Variants in FAM184B observed in about 807,000 individuals in gnomAD.
FAM184B encodes the protein family with sequence similarity 184 member B.
Under a neutral mutation model 135.9 loss-of-function variants are expected in FAM184B, and 111 were observed. The observed-to-expected ratio is 0.82, with a 90% CI of 0.70 to 0.96. The LOEUF is 0.96. Ranked by LOEUF, FAM184B falls within the 40% of genes least tolerant of loss-of-function variation. The pLI is 0.00. For synonymous variants in FAM184B, 552 were observed against 524.8 expected (o/e 1.05, Z -0.71); for missense variants, 1,375 against 1,323.9 (o/e 1.04, Z -0.60).
chr4:17,635,205 A>T, intron 15 of FAM184B, 92 bp from the exon 16 acceptor site: 1 of 998,530 alleles, frequency 1.0e-6, no homozygotes, highest in Admixed American at 2.2e-5. Context: ...CAGAATAGAG[A>T]AGGAAAGTCC....
At chr4:17,771,458 G>A (rs991256184) in intron 1 of FAM184B, among the ~76,000 whole-genome samples, 2 of 152,148 alleles carry the variant, frequency 1.3e-5, no homozygotes, top group African/African-American at 2.4e-5. Flanking sequence ...GAATCACATC[G>A]CTAAATTAAA....
At chr4:17,648,728 T>C (rs1558378) in intron 11 of FAM184B, among the ~76,000 whole-genome samples, 92,314 of 151,770 alleles carry the variant, frequency 0.61, 28,563 homozygotes, top group East Asian at 0.89. Context: ...ATCATGGAGG[T>C]AGGAGATGGC....
At chr4:17,772,834 G>GT (rs1376905842) in intron 1 of FAM184B, among the ~76,000 whole-genome samples, 2 of 152,170 alleles carry the variant, frequency 1.3e-5, no homozygotes, top group Non-Finnish European at 2.9e-5. Context: ...TGCCTGCCAG[G>GT]TGCACCTACC....
At chr4:17,774,205 C>T (rs139788528) in intron 1 of FAM184B, among the ~76,000 whole-genome samples, 5 of 151,954 alleles carry the variant, frequency 3.3e-5, no homozygotes, top group African/African-American at 4.8e-5. Flanking sequence ...AGTGAGACCT[C>T]GTCTCTACCA....
At chr4:17,738,315 T>C (rs1480070944) in intron 1 of FAM184B, among the ~76,000 whole-genome samples, 1 of 151,996 alleles carries the variant, frequency 6.6e-6, no homozygotes, top group Non-Finnish European at 1.5e-5. Context: ...TAGGAAAGGG[T>C]GACCCTGCCA....
At chr4:17,656,527 G>A (rs1405447484) in intron 10 of FAM184B, among the ~76,000 whole-genome samples, 1 of 152,000 alleles carries the variant, frequency 6.6e-6, no homozygotes, top group African/African-American at 2.4e-5. Flanking sequence ...TCAGCCTCCT[G>A]AGTAGCTGGG....
At chr4:17,654,784 C>A (rs1258560716) in intron 10 of FAM184B, among the ~76,000 whole-genome samples, 1 of 152,192 alleles carries the variant, frequency 6.6e-6, no homozygotes. Flanking sequence ...CACCTGTCAC[C>A]GGGGATAGCA....
chr4:17,707,601 G>C lies in FAM184B; in HGVS notation c.1030+48C>G, dbSNP rs777772756. On this transcript the variant is annotated intron_variant, in intron 3 of 17. Coordinates refer to ENST00000265018, the MANE Select transcript of FAM184B (RefSeq NM_015688.2). ...GCTGCCAGTAGCACCAGACCAACCT[G>C]GCAGCTAACCTTGGGTCTTTTAAGG... is the stretch of plus-strand genomic sequence containing the variant. 3.2e-6 allele frequency: 5 copies of C among 1,546,128 alleles called. 1 individual carries two copies. In the South Asian group the frequency reaches 3.6e-5, roughly 11 times the overall value.
chr4:17,655,242 T>C (rs1035218664), intron 10 of FAM184B, among the ~76,000 whole-genome samples: 5 of 152,312 alleles, frequency 3.3e-5, no homozygotes, highest in African/African-American at 1.2e-4. Context: ...AGAACACCAA[T>C]TGGTGACATG....
Position 17,709,575 on chromosome 4 carries a change from G to GT in FAM184B, c.210_211insA (p.Gln71ThrfsTer51). 1.3e-6 allele frequency: 2 copies of GT among 1,549,418 alleles called. No individual in the cohort carries two copies. The highest frequency in any genetic ancestry group is 2.4e-5 in the South Asian group (2 of 83,846). ...GCCACCGCATTCTGGAGCTCCTCCT[G>GT]GTGCGCTTCCCGCAGCGCCTCCATG... On this transcript the variant is annotated frameshift_variant, in exon 2 of 18. Coordinates refer to ENST00000265018, the MANE Select transcript of FAM184B (RefSeq NM_015688.2). LOFTEE classifies it high-confidence loss of function.
At chr4:17,760,483 C>A (rs1412839819) in intron 1 of FAM184B, among the ~76,000 whole-genome samples, 41 of 148,106 alleles carry the variant, frequency 2.8e-4, no homozygotes, top group South Asian at 8.6e-4. Context: ...AAAAAAAAAA[C>A]AAAAACAAAC....
At chr4:17,779,806 T>G (rs1377072923) in intron 1 of FAM184B, among the ~76,000 whole-genome samples, 1 of 152,244 alleles carries the variant, frequency 6.6e-6, no homozygotes, top group Admixed American at 6.5e-5. Flanking sequence ...TAGTATAGTC[T>G]TCTAGCTTTC....
In FAM184B at chr4:17,705,059, T is replaced by G. The variant is rs1418870055; in HGVS notation, c.1318A>C (p.Thr440Pro). 2 of 1,551,774 alleles carry G rather than the reference T, an allele frequency of 1.3e-6. No homozygotes were observed. The highest frequency in any genetic ancestry group is 2.7e-5 in the African/African-American group (2 of 73,178). ...KRLEDLVKKH[T>P]VEIKSVRSSV... The stretch of plus-strand genomic sequence containing the variant: ...GAGCGAACGGATTTGATTTCCACGG[T>G]GTGCTTCTTTACCAAGTCTTCTAGT... The change falls in exon 5 of 18, where the codon ACC becomes CCC. Residue 440 changes from threonine to proline, a missense_variant. Thr to Pro is a conservative substitution (Grantham distance 38). Transcript: ENST00000265018.
intron 12 of FAM184B, among the ~76,000 whole-genome samples, chr4:17,646,114 C>A (rs995987138): frequency 6.6e-6 from 1 of 152,182 alleles, no homozygotes; most frequent in African/African-American, 2.4e-5. Flanking sequence ...AATAGGAACA[C>A]TTTGACACTG....
chr4:17,733,938 A>G (rs1717848388), intron 1 of FAM184B, among the ~76,000 whole-genome samples: 1 of 152,216 alleles, frequency 6.6e-6, no homozygotes, highest in Admixed American at 6.5e-5. Flanking sequence ...CTATACTACA[A>G]GGCTACAGTA....
At position 17,665,410 on chromosome 4, in the gene FAM184B, T is replaced by C. The variant is rs183529722; in HGVS notation, c.1597-751A>G. Among the ~76,000 whole-genome samples the C allele has an allele frequency of 1.8e-3, 270 of 152,338 alleles. 1 individual carries two copies. Among genetic ancestry groups the C allele is most frequent in the African/African-American group, 6.1e-3 (253 of 41,578 alleles). On this transcript the variant is annotated intron_variant, in intron 7 of 17. Transcript: ENST00000265018. ...CTTGTTATTTTGATTTTTCTATTTG[T>C]CATAACCACACTGTCCATGAAAACA...
At chr4:17,715,686 G>A (rs894300512) in intron 1 of FAM184B, among the ~76,000 whole-genome samples, 4 of 152,080 alleles carry the variant, frequency 2.6e-5, no homozygotes, top group African/African-American at 9.7e-5. Flanking sequence ...TAATGCATAT[G>A]TTAAATAGCC....
At chr4:17,766,109 T>C (rs1195042674) in intron 1 of FAM184B, among the ~76,000 whole-genome samples, 3 of 152,294 alleles carry the variant, frequency 2.0e-5, no homozygotes, top group East Asian at 3.9e-4. Context: ...AAGAGCAAGA[T>C]TGGGAAGGTA....
At chr4:17,695,155 C>CTGGGGTT (rs141899736) in intron 5 of FAM184B, among the ~76,000 whole-genome samples, 40 of 135,182 alleles carry the variant, frequency 3.0e-4, no homozygotes, top group Middle Eastern at 3.7e-3. Context: ...TACTGTTTTT[C>CTGGGGTT]TTTGTTGTTT....
Sources: gnomAD v4.1 joint callset for allele counts (sites outside exome capture counted in the v4.1 genomes callset) on GRCh38, gnomAD v4.1.1 for gene constraint, MANE v1.5 for transcripts, NCBI Gene and HGNC (gene_info 2026-07-23, HGNC 2026-07-21) for gene names.